MMP26: variants seen among roughly 807,000 people sequenced by gnomAD.
MMP26 encodes matrix metallopeptidase 26, also known as matrix metalloproteinase-26.
MMP26 carries 33 observed loss-of-function variants against 31.0 expected under a neutral mutation model. That is an observed-to-expected ratio of 1.06 (90% CI 0.81 to 1.42). The LOEUF is 1.42. Ranked by LOEUF, MMP26 falls within the 40% of genes most tolerant of loss-of-function variation. The probability of loss-of-function intolerance (pLI) is 0.00; values close to 1 mark genes in which losing one functional copy is unlikely to be tolerated. For synonymous variants in MMP26, 122 were observed against 114.9 expected, an observed-to-expected ratio of 1.06 and a Z score of -0.40; for missense variants, 347 against 316.1, an observed-to-expected ratio of 1.10 and a Z score of -0.74.
intron 2 of MMP26, among the ~76,000 whole-genome samples, chr11:4,887,689 G>T (rs145895415): frequency 6.6e-6 from 1 of 151,976 alleles, no homozygotes; most frequent in South Asian, 2.1e-4. Flanking sequence ...TGTTGTTTTG[G>T]TTTGTTTTTC....
chr11:4,864,402 TC>T (rs1850207161), intron 2 of MMP26, among the ~76,000 whole-genome samples: 2 of 152,126 alleles, frequency 1.3e-5, no homozygotes, highest in Admixed American at 6.6e-5. Flanking sequence ...CCTTTTGATC[TC>T]ATTTATTTTC....
intron 2 of MMP26, among the ~76,000 whole-genome samples, chr11:4,981,100 T>C (rs1846806899): frequency 6.6e-6 from 1 of 152,066 alleles, no homozygotes; most frequent in Admixed American, 6.6e-5. Context: ...CAACTCAAAA[T>C]TGCTTCCTTT....
At chr11:4,785,369 T>C (rs1848926272) in intron 2 of MMP26, among the ~76,000 whole-genome samples, 3 of 152,224 alleles carry the variant, frequency 2.0e-5, no homozygotes, top group Admixed American at 2.0e-4. Context: ...TAGGTATAGA[T>C]GAGACTCTGT....
chr11:4,926,011 A>G (rs1311359533), intron 2 of MMP26, among the ~76,000 whole-genome samples: 3 of 152,142 alleles, frequency 2.0e-5, no homozygotes, highest in Admixed American at 1.3e-4. Context: ...GATTTTTTAG[A>G]AAAGAAAGAT....
rs534430622 is a variant in MMP26 at position 4,731,198 on chromosome 11, C to T, written c.-217+26153C>T. Among the ~76,000 whole-genome samples, 61 of 152,252 alleles carry T rather than the reference C, an allele frequency of 4.0e-4. No homozygotes were observed. The South Asian group carries it at 0.011, about 28-fold the overall frequency. ...ACCTCAGGTGACCGCCTCAGCCTCC[C>T]AAAGTGCTGAGATTACAGGTGTGAG... On this transcript the variant is annotated intron_variant, in intron 1 of 7. Transcript: ENST00000380390.
intron 2 of MMP26, among the ~76,000 whole-genome samples, chr11:4,878,654 A>G (rs1713320758): frequency 1.3e-5 from 2 of 152,142 alleles, no homozygotes; most frequent in South Asian, 4.1e-4. Context: ...GTGACACTTA[A>G]TATATATTTT....
chr11:4,925,147 C>A (rs1851251586), intron 2 of MMP26, among the ~76,000 whole-genome samples: 1 of 152,118 alleles, frequency 6.6e-6, no homozygotes, highest in Non-Finnish European at 1.5e-5. Flanking sequence ...TTCTTAGGAG[C>A]ATAGTACAGG....
chr11:4,976,847 C>T (rs1422461797), intron 2 of MMP26, among the ~76,000 whole-genome samples: 1 of 151,976 alleles, frequency 6.6e-6, no homozygotes, highest in Non-Finnish European at 1.5e-5. Flanking sequence ...TGCTCTTTCG[C>T]CTGCAGTTAT....
intron 2 of MMP26, among the ~76,000 whole-genome samples, chr11:4,901,119 C>A (rs533784431): frequency 6.9e-6 from 1 of 145,108 alleles, no homozygotes; most frequent in Non-Finnish European, 1.5e-5. Flanking sequence ...AGTGCACTAA[C>A]ATCAGTGGAC....
chr11:4,750,588 C>T (rs1326301307), intron 1 of MMP26, among the ~76,000 whole-genome samples: 1 of 151,884 alleles, frequency 6.6e-6, no homozygotes, highest in Non-Finnish European at 1.5e-5. Flanking sequence ...CATACTCAGT[C>T]ATAAAAAAGA....
intron 2 of MMP26, among the ~76,000 whole-genome samples, chr11:4,980,112 G>T (rs1170333583): frequency 1.3e-5 from 2 of 152,008 alleles, no homozygotes; most frequent in African/African-American, 4.8e-5. Flanking sequence ...TTGCCCAGTA[G>T]AATAATCCCC....
chr11:4,803,736 A>G (rs1223148524), intron 2 of MMP26: 2 of 1,613,774 alleles, frequency 1.2e-6, no homozygotes, highest in Admixed American at 1.7e-5. Context: ...TACCAATGAC[A>G]ATCATATCAA....
At chr11:4,726,749 G>T (rs1045071529) in intron 1 of MMP26, among the ~76,000 whole-genome samples, 6 of 152,212 alleles carry the variant, frequency 3.9e-5, no homozygotes, top group Admixed American at 1.3e-4. Flanking sequence ...CTTCACGCTT[G>T]TAATCCCAGC....
In MMP26 at chr11:4,990,698, CA is replaced by C; in HGVS notation, c.423del (p.Val142CysfsTer30). 6.2e-7 allele frequency: 1 copy of C among 1,614,090 alleles called. No individual in the cohort carries two copies. The highest frequency in any genetic ancestry group is 8.5e-7 in the Non-Finnish European group (1 of 1,179,980). On this transcript the variant is annotated frameshift_variant, in exon 5 of 8. Coordinates refer to ENST00000380390, the MANE Select transcript of MMP26 (RefSeq NM_021801.5). LOFTEE classifies it high-confidence loss of function. ...CAATGTGACCCCTTTGATATTCCAG[CA>C]AGTGCAGAATGGAGATGCAGACATC... ...WSNVTPLIFQ[Q>X]VQNGDADIKV... is the part of the protein sequence containing the mutation.
At chr11:4,913,374 A>G (rs983632176) in intron 2 of MMP26, 2 of 152,294 alleles carry the variant, frequency 1.3e-5, no homozygotes, top group African/African-American at 4.8e-5. Flanking sequence ...GTGTTCAGCC[A>G]CACCCTTTCT....
chr11:4,833,512 G>C (rs1849673798), intron 2 of MMP26, among the ~76,000 whole-genome samples: 1 of 152,124 alleles, frequency 6.6e-6, no homozygotes, highest in Non-Finnish European at 1.5e-5. Context: ...TAAAGTGTCT[G>C]AGTTTGTCTA....
At chr11:4,943,833 T>G (rs1308771522) in intron 2 of MMP26, 2 of 446,254 alleles carry the variant, frequency 4.5e-6, no homozygotes, top group Non-Finnish European at 9.0e-6. Context: ...CTTTATTTTA[T>G]TTTTCATTTC....
intron 1 of MMP26, among the ~76,000 whole-genome samples, chr11:4,760,270 TTTAA>T (rs1404310454): frequency 6.6e-6 from 1 of 152,226 alleles, no homozygotes; most frequent in African/African-American, 2.4e-5. Context: ...CATGGATTCA[TTTAA>T]TTAATTAATT....
At chr11:4,851,988 A>T (rs1589919672) in intron 2 of MMP26, among the ~76,000 whole-genome samples, 6 of 152,164 alleles carry the variant, frequency 3.9e-5, no homozygotes, top group Admixed American at 3.3e-4. Flanking sequence ...CATGCATCAT[A>T]AAAGGCACAT....
Sources: gnomAD v4.1 joint callset for allele counts (sites outside exome capture counted in the v4.1 genomes callset) on GRCh38, gnomAD v4.1.1 for gene constraint, MANE v1.5 for transcripts, NCBI Gene and HGNC (gene_info 2026-07-23, HGNC 2026-07-21) for gene names.